The following ARHGAP42 variants were observed in gnomAD, a reference collection of about 807,000 sequenced individuals.
The protein encoded by ARHGAP42 is Rho GTPase activating protein 42, also known as rho GTPase-activating protein 42.
In ARHGAP42, 63 loss-of-function variants were observed where a neutral mutation model predicts 125.0. The observed-to-expected ratio is 0.50, with a 90% confidence interval of 0.41 to 0.62. ARHGAP42 has a LOEUF of 0.62. Ranked by LOEUF, ARHGAP42 falls within the 20% of genes least tolerant of loss-of-function variation. The pLI is 0.00. For missense variants in ARHGAP42, 766 were observed against 1,024.2 expected (o/e 0.75, Z 3.44); for synonymous variants, 339 against 351.0 (o/e 0.97, Z 0.38).
At chr11:100,701,144 T>A (rs1861389067) in intron 1 of ARHGAP42, among the ~76,000 whole-genome samples, 1 of 131,502 alleles carries the variant, frequency 7.6e-6, no homozygotes, top group Non-Finnish European at 1.7e-5. Flanking sequence ...TAAAATGAAC[T>A]TTTTTTTTTT....
intron 3 of ARHGAP42, among the ~76,000 whole-genome samples, chr11:100,819,069 G>T (rs986047352): frequency 6.6e-6 from 1 of 152,086 alleles, no homozygotes; most frequent in Non-Finnish European, 1.5e-5. Context: ...GTATTTTTGG[G>T]GTTACATGAT....
chr11:100,814,464 A>C (rs1215464047), intron 3 of ARHGAP42, among the ~76,000 whole-genome samples: 1 of 152,140 alleles, frequency 6.6e-6, no homozygotes, highest in Admixed American at 6.5e-5. Context: ...GATTATATCC[A>C]TTTCTAATAT....
At chr11:100,808,333 A>G (rs1349039806) in intron 3 of ARHGAP42, among the ~76,000 whole-genome samples, 1 of 152,190 alleles carries the variant, frequency 6.6e-6, no homozygotes, top group Non-Finnish European at 1.5e-5. Context: ...TGTAATTTCA[A>G]GAGAAAGGGC....
chr11:100,688,484 T>C (rs915346550), intron 1 of ARHGAP42, among the ~76,000 whole-genome samples: 4 of 152,224 alleles, frequency 2.6e-5, no homozygotes, highest in African/African-American at 7.2e-5. Context: ...TCAGAACTTT[T>C]GATGATCTGT....
intron 3 of ARHGAP42, among the ~76,000 whole-genome samples, chr11:100,829,281 G>T (rs1322182744): frequency 1.3e-5 from 2 of 151,818 alleles, no homozygotes; most frequent in African/African-American, 4.8e-5. Flanking sequence ...GATCACTTGA[G>T]CACAGGTGTT....
At chr11:100,859,303 C>G (rs1865390425) in intron 3 of ARHGAP42, 1 of 361,224 alleles carries the variant, frequency 2.8e-6, no homozygotes, top group Non-Finnish European at 4.9e-6. Flanking sequence ...TTTAAGTATT[C>G]AAACTAAGAT....
intron 1 of ARHGAP42, among the ~76,000 whole-genome samples, chr11:100,693,574 C>T (rs1861228131): frequency 6.6e-6 from 1 of 152,154 alleles, no homozygotes; most frequent in African/African-American, 2.4e-5. Flanking sequence ...TGCCCTTTAA[C>T]AGTATCTTTA....
chr11:100,783,602 A>C (rs1295689129), intron 2 of ARHGAP42, among the ~76,000 whole-genome samples: 2 of 152,208 alleles, frequency 1.3e-5, no homozygotes, highest in African/African-American at 4.8e-5. Flanking sequence ...TGTAAGGGCC[A>C]CTTGTTTGTA....
At chr11:100,900,473 G>A (rs1866512912) in intron 4 of ARHGAP42, among the ~76,000 whole-genome samples, 1 of 152,144 alleles carries the variant, frequency 6.6e-6, no homozygotes, top group Non-Finnish European at 1.5e-5. Context: ...GGTTGGGGAA[G>A]TTCTTCTGGG....
At chr11:100,750,096 C>G (rs1046828892) in intron 1 of ARHGAP42, among the ~76,000 whole-genome samples, 1 of 152,092 alleles carries the variant, frequency 6.6e-6, no homozygotes, top group Non-Finnish European at 1.5e-5. Flanking sequence ...AGACTGCCCC[C>G]CAGAGGGGAA....
chr11:100,974,697 C>T lies in ARHGAP42; in HGVS notation c.1855+94C>T, dbSNP rs1858343787. The T allele has an allele frequency of 3.2e-6, 4 of 1,243,168 alleles. No homozygotes were observed. In the South Asian group the frequency reaches 8.6e-5, roughly 27 times the overall value. The allele number at this position is 1,243,168 out of a possible 1,614,324, so 77.0% of individuals were successfully genotyped here. A position where few individuals can be genotyped will look rare whatever the true frequency, so the allele number is the denominator to read the frequency against. On this transcript the variant is annotated intron_variant, in intron 19 of 23. Coordinates refer to ENST00000298815, the MANE Select transcript of ARHGAP42 (RefSeq NM_152432.4). ...TAATTAGGTAGAAATAGAAGATGTT[C>T]TCACTGATGCTCTTTCCCCAACACC... is the stretch of plus-strand genomic sequence containing the variant.
At chr11:100,709,580 A>C (rs1041287577) in intron 1 of ARHGAP42, among the ~76,000 whole-genome samples, 2 of 152,166 alleles carry the variant, frequency 1.3e-5, no homozygotes, top group Non-Finnish European at 2.9e-5. Context: ...GACTGTGAGT[A>C]ACTGAAATGG....
intron 4 of ARHGAP42, among the ~76,000 whole-genome samples, chr11:100,912,795 G>A (rs1056372802): frequency 6.6e-6 from 1 of 152,142 alleles, no homozygotes. Flanking sequence ...CAGGAACAAA[G>A]GTCGGCTATT....
chr11:100,831,457 A>G (rs1864662164), intron 3 of ARHGAP42, among the ~76,000 whole-genome samples: 1 of 152,220 alleles, frequency 6.6e-6, no homozygotes, highest in Admixed American at 6.5e-5. Context: ...TACTAAAAAA[A>G]TTAGTTAATA....
chr11:100,907,138 G>C (rs1326275964), intron 4 of ARHGAP42, among the ~76,000 whole-genome samples: 3 of 152,162 alleles, frequency 2.0e-5, no homozygotes, highest in Non-Finnish European at 4.4e-5. Context: ...CATGCTCTTA[G>C]CACATGGCAT....
At chr11:100,929,003 T>C (rs1867502224) in intron 6 of ARHGAP42, among the ~76,000 whole-genome samples, 1 of 152,190 alleles carries the variant, frequency 6.6e-6, no homozygotes, top group Non-Finnish European at 1.5e-5. Flanking sequence ...CACATTTTGC[T>C]TATCCAAATA....
chr11:100,974,352 C>A, intron 18 of ARHGAP42, 107 bp from the exon 19 acceptor site: 1 of 1,038,116 alleles, frequency 9.6e-7, no homozygotes, highest in Non-Finnish European at 1.3e-6. Flanking sequence ...CTCTAGGATA[C>A]TTATATTTTG....
intron 12 of ARHGAP42, among the ~76,000 whole-genome samples, chr11:100,950,288 ATATAT>A (rs71053163): frequency 0.21 from 30,963 of 146,834 alleles, 4,233 homozygotes; most frequent in Middle Eastern, 0.36. Flanking sequence ...TATATATTAA[ATATAT>A]TATATATTAA....
At chr11:100,958,460 T>C (rs1857865463) in intron 12 of ARHGAP42, among the ~76,000 whole-genome samples, 1 of 152,022 alleles carries the variant, frequency 6.6e-6, no homozygotes, top group Admixed American at 6.6e-5. Context: ...GCAATACTTA[T>C]TTTAGTTTTG....
Sources: gnomAD v4.1 joint callset for allele counts (sites outside exome capture counted in the v4.1 genomes callset) on GRCh38, gnomAD v4.1.1 for gene constraint, MANE v1.5 for transcripts, NCBI Gene and HGNC (gene_info 2026-07-23, HGNC 2026-07-21) for gene names.